Variants in ULK2 observed in about 807,000 individuals in gnomAD.
The protein encoded by ULK2 is unc-51 like autophagy activating kinase 2.
A neutral mutation model predicts 127.5 loss-of-function variants in ULK2; 76 were observed. The observed-to-expected ratio is 0.60, with a 90% confidence interval of 0.50 to 0.72. ULK2 has a LOEUF of 0.72. ULK2 is among the 30% of genes least tolerant of loss of function. ULK2 has a pLI of 0.00. For missense variants in ULK2, 1,144 were observed against 1,295.9 expected, an observed-to-expected ratio of 0.88 and a Z score of 1.80; for synonymous variants, 452 against 461.9, an observed-to-expected ratio of 0.98 and a Z score of 0.28.
chr17:19,806,101 T>G (rs1266078148), intron 14 of ULK2, among the ~76,000 whole-genome samples: 2 of 152,196 alleles, frequency 1.3e-5, no homozygotes, highest in Non-Finnish European at 2.9e-5. Context: ...AACCCTCTAC[T>G]ACCACTAAAA....
intron 8 of ULK2, 37 bp from the exon 9 acceptor site, chr17:19,841,584 G>A (rs761793846): frequency 6.7e-7 from 1 of 1,501,134 alleles, no homozygotes; most frequent in East Asian, 2.4e-5. Flanking sequence ...CCTAAACAAT[G>A]GGGGCAAAAC....
intron 14 of ULK2, among the ~76,000 whole-genome samples, chr17:19,809,549 T>C (rs2087584196): frequency 6.6e-6 from 1 of 151,084 alleles, no homozygotes; most frequent in East Asian, 2.0e-4. Context: ...CTGGCCAACA[T>C]GGTGAAACCC....
At chr17:19,788,464 C>T (rs940763394) in intron 20 of ULK2, among the ~76,000 whole-genome samples, 5 of 151,896 alleles carry the variant, frequency 3.3e-5, no homozygotes, top group Non-Finnish European at 7.4e-5. Flanking sequence ...ACACCCTGAG[C>T]CAGAAGTGAA....
In ULK2 at chr17:19,775,501, C is replaced by A. The variant is rs2086797326; in HGVS notation, c.*848G>T. On this transcript the variant is annotated 3_prime_UTR_variant, in exon 27 of 27. Transcript: ENST00000395544. The stretch of plus-strand genomic sequence containing the variant: ...CAGGCATCAATGTACATTCTGCATG[C>A]ACAATAAAAAATGGAACCAAAAGCT... 1 of 151,614 alleles carries A rather than the reference C, an allele frequency of 6.6e-6. No individual in the cohort carries two copies. Among genetic ancestry groups the A allele is most frequent in the Non-Finnish European group, 1.5e-5 (1 of 67,896 alleles). 9.4% of individuals were successfully genotyped at this position (151,614 alleles called of 1,614,324 possible). A position where few individuals can be genotyped will look rare whatever the true frequency, so the allele number is the denominator to read the frequency against.
chr17:19,796,383 T>C (rs1167768466), intron 18 of ULK2, 101 bp from the exon 19 acceptor site: 1 of 1,086,010 alleles, frequency 9.2e-7, no homozygotes, highest in Non-Finnish European at 1.2e-6. Flanking sequence ...CAGGAGCATG[T>C]AGGAGATAGG....
intron 11 of ULK2, 114 bp downstream of exon 11, chr17:19,826,024 AT>A (rs2041287288): frequency 3.2e-5 from 10 of 313,780 alleles, no homozygotes; most frequent in South Asian, 8.0e-5. Context: ...AAATAAATAA[AT>A]TCAATGAAAT....
chr17:19,855,672 G>A (rs1186477950), intron 3 of ULK2: 1 of 151,462 alleles, frequency 6.6e-6, no homozygotes, highest in African/African-American at 2.4e-5. Context: ...AACAAAATGG[G>A]AAAAATATCT....
intron 13 of ULK2, among the ~76,000 whole-genome samples, chr17:19,811,600 C>T (rs1046895405): frequency 6.6e-6 from 1 of 152,020 alleles, no homozygotes; most frequent in African/African-American, 2.4e-5. Flanking sequence ...TGCCACCACA[C>T]CCAGCTAATT....
intron 3 of ULK2, among the ~76,000 whole-genome samples, chr17:19,856,744 G>A (rs1464159226): frequency 4.7e-5 from 7 of 150,326 alleles, no homozygotes; most frequent in Admixed American, 1.3e-4. Flanking sequence ...TGGCCGAGGC[G>A]GGCAGATCAC....
chr17:19,777,603 T>G lies in ULK2; in HGVS notation c.3030A>C (p.Ala1010=), dbSNP rs2086835849. The G allele has an allele frequency of 6.2e-7, 1 of 1,608,186 alleles. No individual in the cohort carries two copies. Among genetic ancestry groups the G allele is most frequent in the Non-Finnish European group, 8.5e-7 (1 of 1,178,572 alleles). The stretch of plus-strand genomic sequence containing the variant: ...TACATTTATGCACATTTTCAATATC[T>G]GCAGGGTCCTGTAGAATCCTACTTA... ...EGLSRILQDP[A]DIENVHKYKC... Residue 1010 remains alanine, a synonymous_variant, in exon 26 of 27, where the codon GCA becomes GCC. Transcript: ENST00000395544.
rs189293709 is a variant in ULK2 at position 19,833,241 on chromosome 17, G to A, written c.787+5260C>T. 1.5e-3 allele frequency among the ~76,000 whole-genome samples: 229 copies of A among 151,808 alleles called. 1 individual carries two copies. The highest frequency in any genetic ancestry group is 5.2e-3 in the African/African-American group (216 of 41,274). The stretch of plus-strand genomic sequence containing the variant: ...AATGTTTGATTTTTGACAAAAAACC[G>A]CAAGGCATGCAAAGCAACAAAGAAG... On this transcript the variant is annotated intron_variant, in intron 10 of 26. Transcript: ENST00000395544.
rs1402213362 is a variant in ULK2, at chr17:19,780,623, T to C, written c.2765A>G (p.Lys922Arg). ...GAATTTATATCGTTCGTTCAGATTC[T>C]TGACAACTGAAAAAAAATTGAGATG... is the stretch of plus-strand genomic sequence containing the variant. ...SPSTAVKQVV[K>R]NLNERYKFCI... The change falls in exon 25 of 27, where the codon AAG (lysine) becomes AGG (arginine). Residue 922 changes from lysine (K) to arginine (R), a missense_variant. Around this residue, in one of 2 missense-constraint regions of ULK2, gnomAD observed 913 missense variants for 970.5 expected, o/e 0.94. Transcript: ENST00000395544. 1.2e-5 allele frequency: 20 copies of C among 1,600,600 alleles called. No homozygotes were observed. The highest frequency in any genetic ancestry group is 2.2e-5 in the East Asian group (1 of 44,710).
intron 23 of ULK2, among the ~76,000 whole-genome samples, chr17:19,781,500 A>C (rs890145339): frequency 6.6e-6 from 1 of 151,978 alleles, no homozygotes; most frequent in Non-Finnish European, 1.5e-5. Context: ...CTTCTGCCCC[A>C]TCCTCCCAAA....
At position 19,798,420 on chromosome 17, in the gene ULK2, A is replaced by G. The variant is rs552352507; in HGVS notation, c.1523-738T>C. Among the ~76,000 whole-genome samples the G allele has an allele frequency of 8.5e-5, 13 of 152,308 alleles. No individual in the cohort carries two copies. The East Asian group carries it at 2.3e-3, about 27-fold the overall frequency. On this transcript the variant is annotated intron_variant, in intron 17 of 26. Transcript: ENST00000395544. ...CCTTGCTGTTTCCAACCCAAGGTCC[A>G]CTAATCCTTGACTCCAGTTACACAC...
At chr17:19,806,999 T>G (rs912063284) in intron 14 of ULK2, among the ~76,000 whole-genome samples, 3 of 152,200 alleles carry the variant, frequency 2.0e-5, no homozygotes, top group African/African-American at 7.2e-5. Flanking sequence ...CAGTTGCCTC[T>G]TTGTTTTAGA....
chr17:19,782,211 T>A, intron 22 of ULK2, 144 bp from the exon 23 acceptor site: 1 of 937,162 alleles, frequency 1.1e-6, no homozygotes, highest in Non-Finnish European at 1.5e-6. Flanking sequence ...TTTTTAAATT[T>A]CAGAAAGCTG....
intron 2 of ULK2, among the ~76,000 whole-genome samples, chr17:19,865,122 G>T (rs1489605579): frequency 6.6e-6 from 1 of 152,132 alleles, no homozygotes; most frequent in African/African-American, 2.4e-5. Context: ...TTAAATGAGG[G>T]TTCCACGCTT....
At chr17:19,849,505 C>A in intron 4 of ULK2, 100 bp from the exon 5 acceptor site, 1 of 1,216,108 alleles carries the variant, frequency 8.2e-7, no homozygotes, top group Non-Finnish European at 1.2e-6. Flanking sequence ...TATATAATGT[C>A]ATGTAAATAT....
At chr17:19,786,510 T>C (rs2087035382) in intron 20 of ULK2, among the ~76,000 whole-genome samples, 2 of 151,988 alleles carry the variant, frequency 1.3e-5, no homozygotes, top group African/African-American at 4.8e-5. Context: ...GGTCAGGAGT[T>C]CGAGACCAGC....
Sources: gnomAD v4.1 joint callset for allele counts (sites outside exome capture counted in the v4.1 genomes callset) on GRCh38, gnomAD v4.1.1 for gene constraint, gnomAD v4.1.1 regional missense constraint, MANE v1.5 for transcripts, NCBI Gene and HGNC (gene_info 2026-07-23, HGNC 2026-07-21) for gene names.